Variants in ZNF804B observed in about 807,000 individuals in gnomAD.
ZNF804B encodes zinc finger protein 804B, also known as zinc finger 804B.
ZNF804B carries 80 observed loss-of-function variants against 101.4 expected under a neutral mutation model. That is an observed-to-expected ratio of 0.79 (90% CI 0.66 to 0.95). The LOEUF (loss-of-function observed/expected upper bound fraction) is 0.95, where lower values mean the gene tolerates loss of function less well. Among genes scored for constraint, ZNF804B ranks in the 40% least tolerant of loss-of-function variants. The pLI is 0.00. For synonymous variants in ZNF804B, 622 were observed against 558.8 expected (o/e 1.11, Z -1.59); for missense variants, 1,673 against 1,561.9 (o/e 1.07, Z -1.20).
chr7:88,792,653 A>G (rs1009871254), intron 1 of ZNF804B, among the ~76,000 whole-genome samples: 3 of 152,126 alleles, frequency 2.0e-5, no homozygotes, highest in African/African-American at 7.2e-5. Flanking sequence ...TCTTTTTCAC[A>G]GTTCAAAGAA....
intron 2 of ZNF804B, among the ~76,000 whole-genome samples, chr7:89,282,904 C>G (rs1790121566): frequency 6.6e-6 from 1 of 152,096 alleles, no homozygotes; most frequent in South Asian, 2.1e-4. Flanking sequence ...GATTTGAGCC[C>G]AGTGAAACTA....
chr7:88,868,665 T>G (rs1365787598), intron 1 of ZNF804B, among the ~76,000 whole-genome samples: 1 of 152,194 alleles, frequency 6.6e-6, no homozygotes, highest in African/African-American at 2.4e-5. Context: ...CCAAGACCTT[T>G]TTATTCATGT....
At chr7:88,890,707 G>C (rs896826147) in intron 1 of ZNF804B, among the ~76,000 whole-genome samples, 2 of 152,078 alleles carry the variant, frequency 1.3e-5, no homozygotes, top group African/African-American at 4.8e-5. Context: ...GTTTTGCTGA[G>C]TTATTGGTGG....
chr7:89,190,753 T>C (rs549778644), intron 1 of ZNF804B, among the ~76,000 whole-genome samples: 1 of 152,202 alleles, frequency 6.6e-6, no homozygotes, highest in East Asian at 1.9e-4. Context: ...CCTTTGGCAA[T>C]CACCACCCTG....
At chr7:89,222,355 G>C (rs12704450) in intron 2 of ZNF804B, among the ~76,000 whole-genome samples, 108,464 of 151,658 alleles carry the variant, frequency 0.72, 39,481 homozygotes, top group African/African-American at 0.78. Context: ...AATTATTGCT[G>C]AGGTCTTCAA....
intron 1 of ZNF804B, among the ~76,000 whole-genome samples, chr7:89,072,986 T>C (rs982381424): frequency 1.3e-5 from 2 of 152,170 alleles, no homozygotes; most frequent in Admixed American, 6.5e-5. Context: ...ACATAGTTAC[T>C]AGCCCTCAAT....
intron 1 of ZNF804B, among the ~76,000 whole-genome samples, chr7:88,867,216 G>C (rs1791739692): frequency 6.6e-6 from 1 of 152,166 alleles, no homozygotes; most frequent in Admixed American, 6.5e-5. Context: ...TTTTTTTAGG[G>C]AAATTGGCTT....
chr7:89,324,607 C>CTTTTT (rs35905388), intron 2 of ZNF804B, among the ~76,000 whole-genome samples: 2 of 109,560 alleles, frequency 1.8e-5, no homozygotes, highest in African/African-American at 6.9e-5. Flanking sequence ...TACCTTCTTA[C>CTTTTT]TTTTTTTTTT....
At chr7:89,317,338 G>A (rs752316900) in intron 2 of ZNF804B, among the ~76,000 whole-genome samples, 17 of 152,210 alleles carry the variant, frequency 1.1e-4, no homozygotes, top group Non-Finnish European at 4.4e-5. Flanking sequence ...TGTAAAGTCT[G>A]CAATGACTAG....
intron 1 of ZNF804B, among the ~76,000 whole-genome samples, chr7:88,865,830 T>G (rs985013371): frequency 6.6e-6 from 1 of 152,228 alleles, no homozygotes; most frequent in Non-Finnish European, 1.5e-5. Flanking sequence ...CCAAATGTCA[T>G]CTATGCCACT....
intron 1 of ZNF804B, among the ~76,000 whole-genome samples, chr7:88,970,886 T>C (rs1793527623): frequency 6.7e-6 from 1 of 150,232 alleles, no homozygotes; most frequent in Non-Finnish European, 1.5e-5. Context: ...AGTTAATGGG[T>C]GCAGCACACC....
chr7:89,018,425 T>A (rs1469359957), intron 1 of ZNF804B, among the ~76,000 whole-genome samples: 1 of 152,070 alleles, frequency 6.6e-6, no homozygotes, highest in Non-Finnish European at 1.5e-5. Context: ...AATATTTTGT[T>A]GAGGATTGCA....
chr7:89,074,770 G>A (rs1417709911), intron 1 of ZNF804B, among the ~76,000 whole-genome samples: 2 of 152,150 alleles, frequency 1.3e-5, no homozygotes, highest in African/African-American at 4.8e-5. Context: ...AAGAAGACAG[G>A]AAAATATGGA....
intron 1 of ZNF804B, among the ~76,000 whole-genome samples, chr7:89,117,090 T>G (rs1790323139): frequency 6.6e-6 from 1 of 152,144 alleles, no homozygotes; most frequent in Non-Finnish European, 1.5e-5. Flanking sequence ...TGCCAGATGA[T>G]AAACCAAAGA....
chr7:88,973,495 C>A (rs1438252259), intron 1 of ZNF804B, among the ~76,000 whole-genome samples: 1 of 151,302 alleles, frequency 6.6e-6, no homozygotes, highest in African/African-American at 2.4e-5. Context: ...TGGAAACATA[C>A]TTAACTGTGC....
At chr7:88,924,172 CAT>C (rs1250971648) in intron 1 of ZNF804B, among the ~76,000 whole-genome samples, 1 of 152,054 alleles carries the variant, frequency 6.6e-6, no homozygotes, top group Non-Finnish European at 1.5e-5. Context: ...CCCCACCAGT[CAT>C]ATGTGAGATT....
chr7:89,064,578 G>A (rs926216010), intron 1 of ZNF804B, among the ~76,000 whole-genome samples: 1 of 152,064 alleles, frequency 6.6e-6, no homozygotes, highest in South Asian at 2.1e-4. Flanking sequence ...ATGAAAGTCT[G>A]GTCATACAAC....
At chr7:88,967,809 T>C (rs1182609238) in intron 1 of ZNF804B, among the ~76,000 whole-genome samples, 1 of 150,754 alleles carries the variant, frequency 6.6e-6, no homozygotes, top group Non-Finnish European at 1.5e-5. Flanking sequence ...ACCATCCTCA[T>C]CCAAAATTGT....
At chr7:88,795,956 CT>C (rs1358399940) in intron 1 of ZNF804B, among the ~76,000 whole-genome samples, 1 of 152,030 alleles carries the variant, frequency 6.6e-6, no homozygotes, top group Non-Finnish European at 1.5e-5. Flanking sequence ...TTTTTCCTTT[CT>C]TTTTTTCCGT....
Sources: allele counts gnomAD v4.1 joint callset (sites outside exome capture counted in the v4.1 genomes callset), GRCh38; gene constraint gnomAD v4.1.1; transcripts MANE v1.5; gene names NCBI Gene and HGNC (gene_info 2026-07-23, HGNC 2026-07-21).